The following PRKCE variants were observed in gnomAD, a reference collection of about 807,000 sequenced individuals.
PRKCE encodes the protein protein kinase C epsilon type.
PRKCE carries 16 observed loss-of-function variants against 85.4 expected under a neutral mutation model. The observed-to-expected ratio is 0.19, with a 90% CI of 0.13 to 0.28. The LOEUF (loss-of-function observed/expected upper bound fraction) is 0.28. PRKCE is among the 10% of genes least tolerant of loss of function. The pLI, the probability that PRKCE is intolerant of heterozygous loss-of-function variation, is 1.00. For synonymous variants in PRKCE, 388 were observed against 371.5 expected, an observed-to-expected ratio of 1.04 and a Z score of -0.51; for missense variants, 573 against 975.2, an observed-to-expected ratio of 0.59 and a Z score of 5.49.
chr2:46,057,457 C>A (rs760222393), intron 10 of PRKCE, among the ~76,000 whole-genome samples: 1 of 147,714 alleles, frequency 6.8e-6, no homozygotes, highest in Non-Finnish European at 1.5e-5. Flanking sequence ...TTTTTTGAGT[C>A]GGAGTTTTGC....
intron 2 of PRKCE, among the ~76,000 whole-genome samples, chr2:45,942,265 C>T (rs1256376884): frequency 6.6e-6 from 1 of 152,090 alleles, no homozygotes; most frequent in Non-Finnish European, 1.5e-5. Flanking sequence ...ATTAGAGAAG[C>T]GTTTCTGGCC....
At chr2:46,013,940 A>T (rs1464719231) in intron 10 of PRKCE, among the ~76,000 whole-genome samples, 1 of 152,232 alleles carries the variant, frequency 6.6e-6, no homozygotes, top group African/African-American at 2.4e-5. Flanking sequence ...GGCAATGGTC[A>T]TATGAACCCA....
chr2:46,111,549 GATTTGCCTGTTCTGGAC>G (rs1433419703), intron 11 of PRKCE, among the ~76,000 whole-genome samples: 1 of 152,110 alleles, frequency 6.6e-6, no homozygotes, highest in Non-Finnish European at 1.5e-5. Flanking sequence ...TTTCCTTTTA[GATTTGCCTGTTCTGGAC>G]ATTTTGCACA....
At chr2:45,869,378 C>G (rs927075195) in intron 2 of PRKCE, among the ~76,000 whole-genome samples, 1 of 152,212 alleles carries the variant, frequency 6.6e-6, no homozygotes, top group Non-Finnish European at 1.5e-5. Flanking sequence ...CTGGTTAAAA[C>G]TGTTTGTGAC....
chr2:45,993,289 C>T (rs530392033), intron 6 of PRKCE, among the ~76,000 whole-genome samples: 11 of 152,362 alleles, frequency 7.2e-5, no homozygotes, highest in Admixed American at 5.2e-4. Context: ...AGGAGCCCAT[C>T]TTGCTCCCGT....
chr2:45,870,528 G>T (rs1160557548), intron 2 of PRKCE, among the ~76,000 whole-genome samples: 1 of 152,194 alleles, frequency 6.6e-6, no homozygotes, highest in African/African-American at 2.4e-5. Context: ...GGGTTTTGTT[G>T]TTGTTATCTC....
At chr2:46,156,894 T>C (rs1356180380) in intron 13 of PRKCE, among the ~76,000 whole-genome samples, 2 of 152,246 alleles carry the variant, frequency 1.3e-5, no homozygotes, top group Non-Finnish European at 2.9e-5. Flanking sequence ...ACTTATGTTT[T>C]GAGGCTTTTA....
chr2:45,966,950 G>C (rs1701773670), intron 2 of PRKCE, among the ~76,000 whole-genome samples: 1 of 152,178 alleles, frequency 6.6e-6, no homozygotes, highest in African/African-American at 2.4e-5. Flanking sequence ...CTGGAAGTCA[G>C]TATTGGATTA....
chr2:45,670,665 C>T (rs996918351), intron 1 of PRKCE, among the ~76,000 whole-genome samples: 2 of 152,114 alleles, frequency 1.3e-5, no homozygotes, highest in Non-Finnish European at 2.9e-5. Context: ...GGATAGGGTT[C>T]CCTGCACTCA....
At chr2:46,141,365 G>C (rs1182218827) in intron 11 of PRKCE, among the ~76,000 whole-genome samples, 1 of 152,098 alleles carries the variant, frequency 6.6e-6, no homozygotes, top group Non-Finnish European at 1.5e-5. Context: ...AAAAAAATGT[G>C]TATGGTAAGC....
intron 6 of PRKCE, among the ~76,000 whole-genome samples, chr2:45,992,488 C>G (rs575609594): frequency 6.6e-6 from 1 of 152,342 alleles, no homozygotes; most frequent in East Asian, 1.9e-4. Context: ...GTCGTTCACT[C>G]TCACACCCCT....
chr2:45,941,323 T>G (rs1164901818), intron 2 of PRKCE, among the ~76,000 whole-genome samples: 1 of 152,224 alleles, frequency 6.6e-6, no homozygotes, highest in Non-Finnish European at 1.5e-5. Context: ...CTGGGCATTT[T>G]CTGCATGTTC....
At chr2:45,798,767 CT>C (rs56020595) in intron 1 of PRKCE, among the ~76,000 whole-genome samples, 45,975 of 143,724 alleles carry the variant, frequency 0.32, 7,190 homozygotes, top group Middle Eastern at 0.45. Flanking sequence ...ACAGAAGTGG[CT>C]TTTTTTTTTT....
At chr2:45,876,258 C>T (rs1053593352) in intron 2 of PRKCE, among the ~76,000 whole-genome samples, 1 of 152,174 alleles carries the variant, frequency 6.6e-6, no homozygotes, top group African/African-American at 2.4e-5. Flanking sequence ...AGCATTTCCC[C>T]ATCTGCAAAC....
chr2:45,920,582 C>A (rs1187232582), intron 2 of PRKCE, among the ~76,000 whole-genome samples: 1 of 152,210 alleles, frequency 6.6e-6, no homozygotes, highest in Non-Finnish European at 1.5e-5. Context: ...GAAGCACTGA[C>A]ATGGATGACC....
rs148093031 is a variant in PRKCE at position 45,792,336 on chromosome 2, G to C, written c.349-50664G>C. Among the ~76,000 whole-genome samples, 530 of 152,238 alleles carry C rather than the reference G, an allele frequency of 3.5e-3. 7 individuals are homozygous for C. Among genetic ancestry groups the C allele is most frequent in the African/African-American group, 0.012 (503 of 41,536 alleles). On this transcript the variant is annotated intron_variant, in intron 1 of 14. Coordinates refer to ENST00000306156, the MANE Select transcript of PRKCE (RefSeq NM_005400.3). Reference sequence around the variant, plus strand: ...CCCATAACCCAGACACCTCTCATGAGGCCCCACCTCCCAACACCACCACAC... The same window carrying C: ...CCCATAACCCAGACACCTCTCATGACGCCCCACCTCCCAACACCACCACAC...
intron 10 of PRKCE, among the ~76,000 whole-genome samples, chr2:46,079,833 G>A (rs554444249): frequency 6.6e-6 from 1 of 152,298 alleles, no homozygotes; most frequent in South Asian, 2.1e-4. Flanking sequence ...AAAGATTAAC[G>A]CTCTGGGAAA....
intron 2 of PRKCE, among the ~76,000 whole-genome samples, chr2:45,891,944 G>A (rs573626846): frequency 1.8e-4 from 27 of 152,244 alleles, no homozygotes; most frequent in African/African-American, 5.8e-4. Flanking sequence ...CAGTGCTGCC[G>A]CAGCATTCCT....
intron 1 of PRKCE, among the ~76,000 whole-genome samples, chr2:45,670,735 C>T (rs1250721401): frequency 6.6e-5 from 10 of 152,200 alleles, no homozygotes; most frequent in Admixed American, 5.2e-4. Flanking sequence ...TATCATTCCC[C>T]AGGGAAAGAC....
Sources: gnomAD v4.1 joint callset for allele counts (sites outside exome capture counted in the v4.1 genomes callset) on GRCh38, gnomAD v4.1.1 for gene constraint, MANE v1.5 for transcripts, NCBI Gene and HGNC (gene_info 2026-07-23, HGNC 2026-07-21) for gene names.